Variants in ZNF2 observed in about 807,000 individuals in gnomAD.
The protein encoded by ZNF2 is zinc finger protein 2.2.
Under a neutral mutation model 21.9 loss-of-function variants are expected in ZNF2, and 12 were observed. That is an observed-to-expected ratio of 0.55 (90% CI 0.35 to 0.89). The LOEUF (loss-of-function observed/expected upper bound fraction) is 0.89, where lower values mean the gene tolerates loss of function less well. Ranked by LOEUF, ZNF2 falls within the 40% of genes least tolerant of loss-of-function variation. The pLI, the probability that ZNF2 is intolerant of heterozygous loss-of-function variation, is 0.01. For synonymous variants in ZNF2, 186 were observed against 196.3 expected (o/e 0.95, Z 0.44); for missense variants, 462 against 544.2 (o/e 0.85, Z 1.50).
chr2:95,177,855 C>A (rs891534635), intron 3 of ZNF2, among the ~76,000 whole-genome samples: 2 of 152,152 alleles, frequency 1.3e-5, no homozygotes, highest in African/African-American at 4.8e-5. Context: ...CGCTCAGCAG[C>A]CTGCCCGGCA....
At chr2:95,174,644 TC>T (rs1252656012) in intron 1 of ZNF2, among the ~76,000 whole-genome samples, 1 of 152,224 alleles carries the variant, frequency 6.6e-6, no homozygotes, top group Non-Finnish European at 1.5e-5. Context: ...GCAGAGTTCC[TC>T]CTTCCATCCC....
chr2:95,170,583 T>G (rs1388727680), intron 1 of ZNF2, among the ~76,000 whole-genome samples: 1 of 152,260 alleles, frequency 6.6e-6, no homozygotes, highest in Non-Finnish European at 1.5e-5. Context: ...AAGAATATGA[T>G]AGACCTGTTA....
intron 1 of ZNF2, among the ~76,000 whole-genome samples, chr2:95,169,263 G>T (rs1333614551): frequency 1.3e-5 from 2 of 152,198 alleles, no homozygotes; most frequent in Non-Finnish European, 2.9e-5. Context: ...AATTCGTTCA[G>T]TGCTCAGTTT....
At chr2:95,174,619 C>G (rs898190280) in intron 1 of ZNF2, among the ~76,000 whole-genome samples, 3 of 152,208 alleles carry the variant, frequency 2.0e-5, no homozygotes, top group Admixed American at 6.5e-5. Context: ...AGATCCCACT[C>G]CTGTCAAGAA....
intron 1 of ZNF2, among the ~76,000 whole-genome samples, chr2:95,172,655 T>A (rs1489724062): frequency 6.6e-6 from 1 of 151,138 alleles, no homozygotes; most frequent in Non-Finnish European, 1.5e-5. Context: ...TTTTTTTTTT[T>A]AGATGGAGTC....
At chr2:95,176,098 C>A in intron 1 of ZNF2, 90 bp from the exon 2 acceptor site, 1 of 1,133,992 alleles carries the variant, frequency 8.8e-7, no homozygotes, top group Non-Finnish European at 1.3e-6. Context: ...GACATATCCC[C>A]CTGGTATGTG....
In ZNF2 at chr2:95,178,570, C is replaced by T. The variant is rs548849328; in HGVS notation, c.160+961C>T. Among the ~76,000 whole-genome samples the T allele has an allele frequency of 4.6e-5, 7 of 152,262 alleles. No individual in the cohort carries two copies. In the East Asian group the frequency reaches 1.2e-3, roughly 25 times the overall value. On this transcript the variant is annotated intron_variant, in intron 3 of 4. Transcript: ENST00000614034. ...GTCAACAGAGAATCCACAGAAAACC[C>T]GGTAGACAATCCTTGGGCCCAATAA...
rs930918099 is a variant in ZNF2, at chr2:95,181,273, T to C, written c.445T>C (p.Ser149Pro). The change falls in exon 5 of 5, where the codon TCC (serine) becomes CCC (proline). Residue 149 changes from serine (S) to proline (P), a missense_variant. Coordinates refer to ENST00000614034, the MANE Select transcript of ZNF2 (RefSeq NM_021088.4). Reference sequence around the variant, plus strand: ...CCCTTCAGGGGAGACTCGTAAGAAATCCCTCTCCCGGGACAAAGGCTTGCG... The same window carrying C: ...CCCTTCAGGGGAGACTCGTAAGAAACCCCTCTCCCGGGACAAAGGCTTGCG... ...QSPSGETRKK[S>P]LSRDKGLRRR... is the part of the protein sequence containing the mutation. 24 of 1,614,080 alleles carry C rather than the reference T, an allele frequency of 1.5e-5. No individual in the cohort carries two copies. The highest frequency in any genetic ancestry group is 1.9e-5 in the Non-Finnish European group (23 of 1,179,994).
At chr2:95,166,945 A>G (rs534704078) in intron 1 of ZNF2, among the ~76,000 whole-genome samples, 2 of 152,328 alleles carry the variant, frequency 1.3e-5, no homozygotes, top group East Asian at 3.9e-4. Flanking sequence ...TAAAATTACA[A>G]TACAATTACA....
At chr2:95,176,364 A>C (rs2104503877) in intron 2 of ZNF2, 105 bp downstream of exon 2, 1 of 1,348,740 alleles carries the variant, frequency 7.4e-7, no homozygotes, top group South Asian at 1.2e-5. Flanking sequence ...AGCCAGGCAG[A>C]TGAAGGACTC....
rs756579685 is a variant in ZNF2, at chr2:95,181,799, G to C, written c.971G>C (p.Gly324Ala). ...ECNECGKAFYGVSSLNRHQKA... is the reference protein window; with the variant it reads ...ECNECGKAFYAVSSLNRHQKA... The stretch of plus-strand genomic sequence containing the variant: ...AACGAGTGCGGGAAAGCTTTCTATG[G>C]TGTCTCGTCTCTGAATAGACATCAG... Residue 324 changes from glycine to alanine, a missense_variant, in exon 5 of 5, where the codon GGT (glycine) becomes GCT (alanine). By Grantham distance (60) the Gly-to-Ala change is moderately conservative. Coordinates refer to ENST00000614034, the MANE Select transcript of ZNF2 (RefSeq NM_021088.4). 3 of 1,614,132 alleles carry C rather than the reference G, an allele frequency of 1.9e-6. No individual in the cohort carries two copies. Among genetic ancestry groups the C allele is most frequent in the South Asian group, 2.2e-5 (2 of 91,084 alleles).
chr2:95,171,254 T>C (rs1195210580), intron 1 of ZNF2, among the ~76,000 whole-genome samples: 4 of 152,182 alleles, frequency 2.6e-5, no homozygotes, highest in African/African-American at 9.6e-5. Context: ...CCTTCAGTCC[T>C]TCTCTGTACC....
At chr2:95,180,311 G>T in intron 4 of ZNF2, 39 bp downstream of exon 4, 1 of 1,441,562 alleles carries the variant, frequency 6.9e-7, no homozygotes, top group Non-Finnish European at 9.7e-7. Flanking sequence ...AATTTTGTTT[G>T]GCTTTTTGTT....
rs574939912 is a variant in ZNF2, at chr2:95,178,081, GAT to G, written c.160+477_160+478del. Among the ~76,000 whole-genome samples the G allele has an allele frequency of 3.3e-4, 51 of 152,320 alleles. No homozygotes were observed. In the East Asian group the frequency reaches 5.2e-3, roughly 16 times the overall value. On this transcript the variant is annotated intron_variant, in intron 3 of 4. Transcript: ENST00000614034. Reference sequence around the variant, plus strand: ...CAGGGTTGTGCCTCTGAGGTCACCAGATATATGTTTGATTTTGAATATTTGTC... The same window carrying G: ...CAGGGTTGTGCCTCTGAGGTCACCAGATATGTTTGATTTTGAATATTTGTC...
At chr2:95,172,584 CA>C (rs1674313819) in intron 1 of ZNF2, among the ~76,000 whole-genome samples, 1 of 151,184 alleles carries the variant, frequency 6.6e-6, no homozygotes, top group Non-Finnish European at 1.5e-5. Flanking sequence ...TGTGCATGTA[CA>C]AATATGTAAT....
rs575836528 is a variant in ZNF2, at chr2:95,182,004, G to A, written c.1176G>A (p.Thr392=). The change falls in exon 5 of 5, where the codon ACG becomes ACA. Residue 392 remains threonine (T), a synonymous_variant. Transcript: ENST00000614034. ...CRLTRHQRVH[T]GEKPFECTVC... ...TCACGCGGCATCAGCGTGTCCACAC[G>A]GGAGAGAAGCCCTTTGAATGCACTG... 5.6e-6 allele frequency: 9 copies of A among 1,614,260 alleles called. No homozygotes were observed. Among genetic ancestry groups the A allele is most frequent in the East Asian group, 4.5e-5 (2 of 44,894 alleles).
chr2:95,181,266 T>C lies in ZNF2; in HGVS notation c.438T>C (p.Arg146=). ...AGCAAAGCCCTTCAGGGGAGACTCGTAAGAAATCCCTCTCCCGGGACAAAG... is the reference window on the plus strand; with the variant it reads ...AGCAAAGCCCTTCAGGGGAGACTCGCAAGAAATCCCTCTCCCGGGACAAAG... ...TEKQSPSGET[R]KKSLSRDKGL... Residue 146 remains arginine, a synonymous_variant, in exon 5 of 5, where the codon CGT becomes CGC. Coordinates refer to ENST00000614034, the MANE Select transcript of ZNF2 (RefSeq NM_021088.4). 1 of 1,614,160 alleles carries C rather than the reference T, an allele frequency of 6.2e-7. No homozygotes were observed. The highest frequency in any genetic ancestry group is 8.5e-7 in the Non-Finnish European group (1 of 1,180,008).
In ZNF2 at chr2:95,181,580, A is replaced by G. The variant is rs1481964299; in HGVS notation, c.752A>G (p.His251Arg). Reference protein sequence around the residue: ...RSSLTVHQRIHTGEKPFQCNE... With the variant: ...RSSLTVHQRIRTGEKPFQCNE... ...TCCCTAACTGTCCATCAGCGAATTC[A>G]CACTGGAGAGAAACCCTTTCAGTGC... Residue 251 changes from histidine to arginine, a missense_variant, in exon 5 of 5, where the codon CAC becomes CGC. Transcript: ENST00000614034. 1.2e-6 allele frequency: 2 copies of G among 1,614,180 alleles called. No homozygotes were observed.
In ZNF2 at chr2:95,181,476, C is replaced by T. The variant is rs759338678; in HGVS notation, c.648C>T (p.Leu216=). The part of the protein sequence containing the change: ...CGKAFSHRSS[L]SRHLMSHTGE... ...AAGCCTTCAGCCACAGGAGCAGCCT[C>T]AGCAGACATCTGATGTCACACACTG... The change falls in exon 5 of 5, where the codon CTC becomes CTT. Residue 216 remains leucine, a synonymous_variant. Transcript: ENST00000614034. 1 of 1,614,080 alleles carries T rather than the reference C, an allele frequency of 6.2e-7. No individual in the cohort carries two copies. The highest frequency in any genetic ancestry group is 8.5e-7 in the Non-Finnish European group (1 of 1,179,994).
Sources: allele counts gnomAD v4.1 joint callset (sites outside exome capture counted in the v4.1 genomes callset), GRCh38; gene constraint gnomAD v4.1.1; transcripts MANE v1.5; gene names NCBI Gene and HGNC (gene_info 2026-07-23, HGNC 2026-07-21).